The following ITSN1 variants were observed in gnomAD, a reference collection of about 807,000 sequenced individuals.
ITSN1 encodes the protein intersectin-1.
In ITSN1, 58 loss-of-function variants were observed where a neutral mutation model predicts 239.8. That is an observed-to-expected ratio of 0.24 (90% CI 0.20 to 0.30). The LOEUF (loss-of-function observed/expected upper bound fraction) is 0.30. ITSN1 is among the 10% of genes least tolerant of loss of function. The pLI, the probability that ITSN1 is intolerant of heterozygous loss-of-function variation, is 1.00. For missense variants in ITSN1, 1,558 were observed against 2,103.3 expected (o/e 0.74, Z 5.07); for synonymous variants, 780 against 770.8 (o/e 1.01, Z -0.20).
At position 33,877,059 on chromosome 21, in the gene ITSN1, C is replaced by CTTTT. The variant is rs10529259; in HGVS notation, c.4341+1547_4341+1550dup. ...TCCTTAGAACTTTACCTGTGGGCAC[C>CTTTT]TTTTTTTTTTTTGAAATGGAGTCTC... On this transcript the variant is annotated intron_variant, in intron 34 of 39. Coordinates refer to ENST00000381318, the MANE Select transcript of ITSN1 (RefSeq NM_003024.3). Among the ~76,000 whole-genome samples the CTTTT allele has an allele frequency of 3.8e-5, 4 of 106,404 alleles. 2 individuals are homozygous for CTTTT. Among genetic ancestry groups the CTTTT allele is most frequent in the Non-Finnish European group, 3.6e-5 (2 of 55,768 alleles). The allele number at this position is 106,404 out of a possible 152,430, so 69.8% of individuals were successfully genotyped here.
At chr21:33,811,570 T>C (rs2072917752) in intron 21 of ITSN1, among the ~76,000 whole-genome samples, 1 of 152,242 alleles carries the variant, frequency 6.6e-6, no homozygotes, top group Admixed American at 6.5e-5. Flanking sequence ...TTCAGAGTTA[T>C]TTCCTGCATG....
At chr21:33,844,615 T>C (rs946527833) in intron 29 of ITSN1, among the ~76,000 whole-genome samples, 2 of 152,150 alleles carry the variant, frequency 1.3e-5, no homozygotes, top group Non-Finnish European at 2.9e-5. Context: ...CCAGGCATGC[T>C]TAATTCCCTC....
chr21:33,816,280 T>G (rs955447728), intron 22 of ITSN1, among the ~76,000 whole-genome samples: 1 of 152,194 alleles, frequency 6.6e-6, no homozygotes, highest in Non-Finnish European at 1.5e-5. Flanking sequence ...CTAGCAATGC[T>G]TCACAGCTTG....
intron 1 of ITSN1, among the ~76,000 whole-genome samples, chr21:33,670,214 G>T (rs1036688159): frequency 2.0e-5 from 3 of 152,076 alleles, no homozygotes; most frequent in Non-Finnish European, 4.4e-5. Flanking sequence ...AATTAGCCAG[G>T]GGTGGTGACA....
intron 1 of ITSN1, among the ~76,000 whole-genome samples, chr21:33,693,580 C>T (rs1601675422): frequency 6.6e-6 from 1 of 152,190 alleles, no homozygotes; most frequent in Non-Finnish European, 1.5e-5. Flanking sequence ...TGGTCTTGAA[C>T]TCCTGACCTC....
rs2071691629 is a variant in ITSN1 at position 33,797,994 on chromosome 21, G to A, written c.2182+386G>A. ...TTTCACCCTTGCCTCCACTGATGGG[G>A]CATTCGCTGTCTTCGGTCTGCATTG... On this transcript the variant is annotated intron_variant, in intron 18 of 39. Transcript: ENST00000381318. The surrounding 1 kb of genome is among the most constrained non-coding windows in gnomAD (Gnocchi z 4.9). 6.6e-6 allele frequency among the ~76,000 whole-genome samples: 1 copy of A among 152,202 alleles called. No individual in the cohort carries two copies. Among genetic ancestry groups the A allele is most frequent in the South Asian group, 2.1e-4 (1 of 4,828 alleles).
At chr21:33,687,398 TAAAAAAAAAAAAAA>T (rs58230508) in intron 1 of ITSN1, among the ~76,000 whole-genome samples, 1 of 81,344 alleles carries the variant, frequency 1.2e-5, no homozygotes, top group African/African-American at 5.4e-5. Context: ...AACTCCATCT[TAAAAAAAAAAAAAA>T]AAAAAAAAAA....
At position 33,765,866 on chromosome 21, in the gene ITSN1, G is replaced by A. The variant is rs772804164; in HGVS notation, c.789-9G>A. 1.2e-6 allele frequency: 2 copies of A among 1,613,830 alleles called. No individual in the cohort carries two copies. The highest frequency in any genetic ancestry group is 1.7e-6 in the Non-Finnish European group (2 of 1,179,830). On this transcript the variant is annotated splice_polypyrimidine_tract_variant and intron_variant, in intron 9 of 39. Coordinates refer to ENST00000381318, the MANE Select transcript of ITSN1 (RefSeq NM_003024.3). ...GAAACCGGATTACAGTTAACTTTTT[G>A]TTGAATAGGAATCTTTCTGACATTG...
At chr21:33,709,128 T>C (rs2146932006) in intron 1 of ITSN1, among the ~76,000 whole-genome samples, 1 of 152,338 alleles carries the variant, frequency 6.6e-6, no homozygotes, top group African/African-American at 2.4e-5. Flanking sequence ...ATTCTAGGTC[T>C]TTACTATCAG....
At chr21:33,725,082 C>CTA (rs905640497) in intron 4 of ITSN1, among the ~76,000 whole-genome samples, 1 of 129,402 alleles carries the variant, frequency 7.7e-6, no homozygotes, top group Non-Finnish European at 1.6e-5. Context: ...CCAACCTGGG[C>CTA]AATATAATGA....
chr21:33,738,841 C>A (rs1034091827), intron 5 of ITSN1, among the ~76,000 whole-genome samples: 1 of 152,206 alleles, frequency 6.6e-6, no homozygotes, highest in African/African-American at 2.4e-5. Context: ...GTTGCCCAGA[C>A]TAGAGTGCAA....
intron 29 of ITSN1, among the ~76,000 whole-genome samples, chr21:33,845,017 G>A (rs1009495809): frequency 2.6e-5 from 4 of 151,902 alleles, no homozygotes; most frequent in African/African-American, 4.8e-5. Context: ...TACCTCTCCC[G>A]CTGCCCACTG....
intron 1 of ITSN1, among the ~76,000 whole-genome samples, chr21:33,672,003 G>A (rs2090316696): frequency 6.6e-6 from 1 of 151,918 alleles, no homozygotes; most frequent in Non-Finnish European, 1.5e-5. Flanking sequence ...CCAGCACTTT[G>A]GGAGGCCGAG....
intron 34 of ITSN1, among the ~76,000 whole-genome samples, chr21:33,875,760 A>G (rs904802854): frequency 2.6e-5 from 4 of 152,184 alleles, no homozygotes; most frequent in African/African-American, 9.6e-5. Context: ...AGCTCACTGC[A>G]ACCTCCGCCT....
At chr21:33,818,630 A>G (rs778432446) in intron 23 of ITSN1, among the ~76,000 whole-genome samples, 158 bp downstream of exon 23, 34 of 152,202 alleles carry the variant, frequency 2.2e-4, no homozygotes, top group Admixed American at 1.7e-3. Flanking sequence ...ACCAAAAGGG[A>G]GCCTCTTATA....
chr21:33,649,093 G>A (rs1006992793), intron 1 of ITSN1, among the ~76,000 whole-genome samples: 3 of 152,170 alleles, frequency 2.0e-5, no homozygotes, highest in Non-Finnish European at 4.4e-5. Context: ...TCTTAGAAAC[G>A]CAAGACTGTA....
intron 5 of ITSN1, among the ~76,000 whole-genome samples, chr21:33,747,166 A>G (rs1255180044): frequency 6.6e-6 from 1 of 152,208 alleles, no homozygotes; most frequent in African/African-American, 2.4e-5. Flanking sequence ...AACAAAAACA[A>G]AACCTGAAAA....
chr21:33,676,886 G>A (rs2090625654), intron 1 of ITSN1, among the ~76,000 whole-genome samples: 1 of 151,958 alleles, frequency 6.6e-6, no homozygotes, highest in East Asian at 1.9e-4. Context: ...ATTTCATGGT[G>A]TATATGTGCC....
Position 33,867,213 on chromosome 21 carries a change from T to C in ITSN1, c.4075-20T>C. 1.3e-6 allele frequency: 2 copies of C among 1,514,792 alleles called. No individual in the cohort carries two copies. The highest frequency in any genetic ancestry group is 1.8e-6 in the Non-Finnish European group (2 of 1,089,446). The allele number at this position is 1,514,792 out of a possible 1,614,324, so 93.8% of individuals were successfully genotyped here. ...GATTTTGCAAGTTTCTTAAGTACAT[T>C]TAAAAACATCTCATTTCAGAGATTG... On this transcript the variant is annotated intron_variant, in intron 32 of 39. Transcript: ENST00000381318.
Sources: allele counts gnomAD v4.1 joint callset (sites outside exome capture counted in the v4.1 genomes callset), GRCh38; gene constraint gnomAD v4.1.1; non-coding constraint Gnocchi (gnomAD v3.1); transcripts MANE v1.5; gene names NCBI Gene and HGNC (gene_info 2026-07-23, HGNC 2026-07-21).